The following TRRAP variants were observed in gnomAD, a reference collection of about 807,000 sequenced individuals.
TRRAP encodes transformation/transcription domain associated protein.
Under a neutral mutation model 438.8 loss-of-function variants are expected in TRRAP, and 41 were observed. That is an observed-to-expected ratio of 0.09 (90% confidence interval 0.07 to 0.12). The LOEUF is 0.12. Ranked by LOEUF, TRRAP falls within the 10% of genes least tolerant of loss-of-function variation. The pLI, the probability that TRRAP is intolerant of heterozygous loss-of-function variation, is 1.00. For synonymous variants in TRRAP, 1,994 were observed against 1,962.9 expected (o/e 1.02, Z -0.42); for missense variants, 3,122 against 5,055.1 (o/e 0.62, Z 11.60).
intron 39 of TRRAP, among the ~76,000 whole-genome samples, chr7:98,951,430 C>G (rs1554418243): frequency 6.6e-6 from 1 of 152,182 alleles, no homozygotes; most frequent in Admixed American, 6.5e-5. Flanking sequence ...TCCTCCTTTT[C>G]CAGTGAATGA....
chr7:99,004,433 G>A lies in TRRAP; in HGVS notation c.10535+18G>A. 2 of 1,607,818 alleles carry A rather than the reference G, an allele frequency of 1.2e-6. No homozygotes were observed. Among genetic ancestry groups the A allele is most frequent in the Non-Finnish European group, 1.7e-6 (2 of 1,175,586 alleles). ...ATTGCACGGTGAGTGGGCCAGCCTG[G>A]CAGGTGGAACTAACCCACGGCGCCC... On this transcript the variant is annotated intron_variant, in intron 68 of 72. Transcript: ENST00000456197.
chr7:98,990,656 A>G (rs769030016), intron 64 of TRRAP, 37 bp downstream of exon 64: 1 of 1,571,362 alleles, frequency 6.4e-7, no homozygotes, highest in Non-Finnish European at 8.7e-7. Flanking sequence ...ACGTGCACAA[A>G]ACATTGTGTC....
intron 65 of TRRAP, 139 bp downstream of exon 65, chr7:98,992,366 C>A: frequency 3.7e-6 from 3 of 803,982 alleles, no homozygotes; most frequent in Non-Finnish European, 6.1e-6. Flanking sequence ...CAGTGGGCAG[C>A]ACCGTAGGGC....
chr7:98,917,260 A>G (rs1789557095), intron 19 of TRRAP, among the ~76,000 whole-genome samples, 163 bp from the exon 20 acceptor site: 1 of 152,130 alleles, frequency 6.6e-6, no homozygotes, highest in African/African-American at 2.4e-5. Flanking sequence ...CATGAGTGCA[A>G]TTATTGGACA....
At chr7:98,896,214 G>T (rs1479330898) in intron 7 of TRRAP, among the ~76,000 whole-genome samples, 2 of 151,006 alleles carry the variant, frequency 1.3e-5, no homozygotes, top group Admixed American at 1.3e-4. Context: ...TATATTTTCA[G>T]TTTTTTTTTA....
chr7:99,011,592 G>C lies in TRRAP; in HGVS notation c.11337+57G>C. 3 of 1,563,056 alleles carry C rather than the reference G, an allele frequency of 1.9e-6. No individual in the cohort carries two copies. The highest frequency in any genetic ancestry group is 2.6e-6 in the Non-Finnish European group (3 of 1,155,690). ...AGGCTAGAGCCACTCAGATGCCCGC[G>C]CGTCACGGCCTTGCAGGAGCTGCTG... On this transcript the variant is annotated intron_variant, in intron 72 of 72. Coordinates refer to ENST00000456197, the MANE Select transcript of TRRAP (RefSeq NM_001375524.1). The surrounding 1 kb of genome is among the most constrained non-coding windows in gnomAD (Gnocchi z 7.1).
chr7:98,937,996 G>T (rs1351959515), intron 30 of TRRAP, among the ~76,000 whole-genome samples, 176 bp downstream of exon 30: 1 of 152,180 alleles, frequency 6.6e-6, no homozygotes, highest in Non-Finnish European at 1.5e-5. Context: ...CCAACATGGT[G>T]AAACCCCTCT....
intron 3 of TRRAP, among the ~76,000 whole-genome samples, chr7:98,885,517 T>C (rs1226284383): frequency 1.3e-5 from 2 of 152,184 alleles, no homozygotes; most frequent in African/African-American, 4.8e-5. Context: ...CCCTACTATC[T>C]GTAGCAATGG....
Position 98,976,297 on chromosome 7 carries a change from G to GA in TRRAP, c.7959+33dup. 6.2e-7 allele frequency: 1 copy of GA among 1,611,386 alleles called. No homozygotes were observed. Among genetic ancestry groups the GA allele is most frequent in the East Asian group, 2.2e-5 (1 of 44,830 alleles). On this transcript the variant is annotated intron_variant, in intron 54 of 72. Coordinates refer to ENST00000456197, the MANE Select transcript of TRRAP (RefSeq NM_001375524.1). This position sits in a 1 kb window ranked among gnomAD's most constrained non-coding sequence, Gnocchi z 4.6. ...AGTGTATCTTTAAAATCCTGTTTTGGAAAATTGTAGTTTTAGCTTTTGGTA... is the reference window on the plus strand; with the variant it reads ...AGTGTATCTTTAAAATCCTGTTTTGGAAAAATTGTAGTTTTAGCTTTTGGTA...
In TRRAP at chr7:98,891,011, GTCTTGAAC is replaced by G. The variant is rs554276353; in HGVS notation, c.261+573_261+580del. On this transcript the variant is annotated intron_variant, in intron 4 of 72. Transcript: ENST00000456197. The stretch of plus-strand genomic sequence containing the variant: ...GGGTCTTGCTGTGTTGCCCAGGCTG[GTCTTGAAC>G]TCTTGAGCTCAATAGATCCTCCTTC... Among the ~76,000 whole-genome samples the G allele has an allele frequency of 2.7e-5, 4 of 150,382 alleles. No individual in the cohort carries two copies. The East Asian group carries it at 7.8e-4, about 29-fold the overall frequency.
intron 16 of TRRAP, 88 bp downstream of exon 16, chr7:98,910,695 T>C (rs1273016192): frequency 4.5e-6 from 5 of 1,110,718 alleles, no homozygotes; most frequent in African/African-American, 1.6e-5. Context: ...CAGTGAGAGC[T>C]GTTAGTATTT....
Position 98,910,090 on chromosome 7 carries a change from A to G in TRRAP, c.1385A>G (p.Tyr462Cys). 1 of 1,581,126 alleles carries G rather than the reference A, an allele frequency of 6.3e-7. No individual in the cohort carries two copies. The highest frequency in any genetic ancestry group is 1.2e-5 in the South Asian group (1 of 84,534). The change falls in exon 15 of 73, where the codon TAC (tyrosine) becomes TGC (cysteine). Residue 462 changes from tyrosine (Y) to cysteine (C), a missense_variant. Coordinates refer to ENST00000456197, the MANE Select transcript of TRRAP (RefSeq NM_001375524.1). ...CTCAAATTCCACACAATTGCTCGGTACCAGCTCTCTGCCATTTTTAAGAAG... is the reference window on the plus strand; with the variant it reads ...CTCAAATTCCACACAATTGCTCGGTGCCAGCTCTCTGCCATTTTTAAGAAG... ...FVLKFHTIAR[Y>C]QLSAIFKKCK...
At chr7:98,930,595 G>T in intron 24 of TRRAP, 38 bp from the exon 25 acceptor site, 1 of 1,607,524 alleles carries the variant, frequency 6.2e-7, no homozygotes, top group Non-Finnish European at 8.5e-7. Context: ...AACAAGAATT[G>T]CAGTAACGTG....
At chr7:98,935,738 G>T in intron 28 of TRRAP, 63 bp downstream of exon 28, 1 of 1,313,710 alleles carries the variant, frequency 7.6e-7, no homozygotes, top group Non-Finnish European at 1.0e-6. Context: ...GAGGTCTATA[G>T]AAAAAAAAAG....
chr7:98,993,516 G>A, intron 65 of TRRAP, 22 bp from the exon 66 acceptor site: 1 of 1,605,256 alleles, frequency 6.2e-7, no homozygotes, highest in Non-Finnish European at 8.5e-7. Flanking sequence ...GCTGACACTG[G>A]CGTTGTGTGT....
In TRRAP at chr7:99,008,458, A is replaced by G. The variant is rs749023695; in HGVS notation, c.10835A>G (p.Lys3612Arg). Residue 3612 changes from lysine (K) to arginine (R), a missense_variant, in exon 70 of 73, where the codon AAG (lysine) becomes AGG (arginine). Physicochemically the swap from Lys to Arg is conservative, Grantham distance 26 (BLOSUM62 2). This residue lies in a region of TRRAP where 38 missense variants were observed against 32.1 expected (regional missense o/e 1.18). Coordinates refer to ENST00000456197, the MANE Select transcript of TRRAP (RefSeq NM_001375524.1). Reference sequence around the variant, plus strand: ...TCACTTTCCCTTGTGGAGATCTACAAGCAGCGCTGCGCCAAGAAGGGCATC... The same window carrying G: ...TCACTTTCCCTTGTGGAGATCTACAGGCAGCGCTGCGCCAAGAAGGGCATC... ...PSSLSLVEIY[K>R]QRCAKKGIEH... The G allele has an allele frequency of 1.9e-6, 3 of 1,613,654 alleles. No homozygotes were observed. Among genetic ancestry groups the G allele is most frequent in the East Asian group, 4.5e-5 (2 of 44,830 alleles).
chr7:98,914,559 T>G lies in TRRAP; in HGVS notation c.2200-1164T>G, dbSNP rs549675689. Reference sequence around the variant, plus strand: ...AAAACCTATCGGGACAAATCGAATGTTGGAATGTGGCTGGGCATGGTGGCT... The same window carrying G: ...AAAACCTATCGGGACAAATCGAATGGTGGAATGTGGCTGGGCATGGTGGCT... On this transcript the variant is annotated intron_variant, in intron 18 of 72. Coordinates refer to ENST00000456197, the MANE Select transcript of TRRAP (RefSeq NM_001375524.1). Among the ~76,000 whole-genome samples, 6 of 150,670 alleles carry G rather than the reference T, an allele frequency of 4.0e-5. No individual in the cohort carries two copies. The East Asian group carries it at 1.2e-3, about 29-fold the overall frequency.
At chr7:98,951,694 C>T (rs1364044023) in intron 39 of TRRAP, among the ~76,000 whole-genome samples, 2 of 152,170 alleles carry the variant, frequency 1.3e-5, no homozygotes, top group African/African-American at 4.8e-5. Flanking sequence ...CCATTTTGTC[C>T]TGAGATCAAG....
chr7:98,990,881 A>C (rs1793401065), intron 64 of TRRAP, among the ~76,000 whole-genome samples: 1 of 152,250 alleles, frequency 6.6e-6, no homozygotes, highest in South Asian at 2.1e-4. Context: ...CCCATATATA[A>C]TGTAAGTAAA....
Sources: gnomAD v4.1 joint callset for allele counts (sites outside exome capture counted in the v4.1 genomes callset) on GRCh38, gnomAD v4.1.1 for gene constraint, gnomAD v4.1.1 regional missense constraint, Gnocchi (gnomAD v3.1) non-coding constraint, MANE v1.5 for transcripts, NCBI Gene and HGNC (gene_info 2026-07-23, HGNC 2026-07-21) for gene names.